Variants in CNTNAP5 observed in about 807,000 individuals in gnomAD.
CNTNAP5 encodes the protein contactin-associated protein-like 5.
Under a neutral mutation model 150.2 loss-of-function variants are expected in CNTNAP5, and 72 were observed. That is an observed-to-expected ratio of 0.48 (90% CI 0.40 to 0.58). The LOEUF (loss-of-function observed/expected upper bound fraction) is 0.58. CNTNAP5 is among the 20% of genes least tolerant of loss of function. CNTNAP5 has a pLI of 0.00. For synonymous variants in CNTNAP5, 672 were observed against 619.8 expected, an observed-to-expected ratio of 1.08 and a Z score of -1.25; for missense variants, 1,636 against 1,626.2, an observed-to-expected ratio of 1.01 and a Z score of -0.10.
intron 14 of CNTNAP5, among the ~76,000 whole-genome samples, chr2:124,754,799 C>T (rs11889950): frequency 0.011 from 1,730 of 152,004 alleles, 42 homozygotes; most frequent in African/African-American, 0.04. Context: ...GCAATCCTCA[C>T]GCGTCGAACT....
At chr2:124,523,709 C>T (rs1270939375) in intron 8 of CNTNAP5, among the ~76,000 whole-genome samples, 1 of 152,130 alleles carries the variant, frequency 6.6e-6, no homozygotes, top group Non-Finnish European at 1.5e-5. Context: ...AAAATCAGAG[C>T]TTAATGAAAG....
chr2:124,481,275 A>G (rs1054940696), intron 7 of CNTNAP5, among the ~76,000 whole-genome samples: 30 of 152,312 alleles, frequency 2.0e-4, no homozygotes, highest in Admixed American at 1.8e-3. Context: ...TTACCTCCTA[A>G]TACCAACATA....
chr2:124,561,764 A>C (rs568438272), intron 10 of CNTNAP5, among the ~76,000 whole-genome samples: 1 of 152,280 alleles, frequency 6.6e-6, no homozygotes, highest in East Asian at 1.9e-4. Flanking sequence ...GATTTGAAAC[A>C]ATCATTGCTG....
At chr2:124,444,542 C>T (rs1692763343) in intron 5 of CNTNAP5, among the ~76,000 whole-genome samples, 1 of 152,100 alleles carries the variant, frequency 6.6e-6, no homozygotes, top group South Asian at 2.1e-4. Context: ...TTGCAGTGAG[C>T]CCAGATCATG....
intron 12 of CNTNAP5, among the ~76,000 whole-genome samples, chr2:124,639,968 A>C (rs1678056124): frequency 6.6e-6 from 1 of 152,070 alleles, no homozygotes; most frequent in South Asian, 2.1e-4. Context: ...TCTTCCCAAC[A>C]GGAATGCAAC....
Position 124,408,574 on chromosome 2 carries a change from C to A in CNTNAP5, c.382-8869C>A, listed in dbSNP as rs542689254. ...ACTGCCTCCTCAAGTGGGTCCCTGA[C>A]CCCTGACCCCCGAGCAGCCTAACTG... On this transcript the variant is annotated intron_variant, in intron 3 of 23. Transcript: ENST00000682447. Among the ~76,000 whole-genome samples the A allele has an allele frequency of 3.9e-4, 59 of 151,978 alleles. No homozygotes were observed. In the South Asian group the frequency reaches 9.4e-3, roughly 24 times the overall value.
At chr2:124,495,047 A>T (rs948915262) in intron 7 of CNTNAP5, among the ~76,000 whole-genome samples, 14 of 152,132 alleles carry the variant, frequency 9.2e-5, no homozygotes, top group Admixed American at 6.6e-5. Flanking sequence ...ATGCCTACAT[A>T]TTTATATGGG....
intron 3 of CNTNAP5, among the ~76,000 whole-genome samples, chr2:124,366,943 A>C (rs1238576085): frequency 6.6e-6 from 1 of 152,192 alleles, no homozygotes; most frequent in Non-Finnish European, 1.5e-5. Context: ...GTAGCTGATA[A>C]GACACCCCTC....
At chr2:124,560,746 TGAAGTCTCAAGGACA>T in intron 10 of CNTNAP5, among the ~76,000 whole-genome samples, 1 of 152,176 alleles carries the variant, frequency 6.6e-6, no homozygotes, top group Non-Finnish European at 1.5e-5. Flanking sequence ...ACGGGTGCAA[TGAAGTCTCAAGGACA>T]GCAGGGACCG....
chr2:124,468,096 T>C (rs1049803044), intron 6 of CNTNAP5, among the ~76,000 whole-genome samples: 1 of 152,142 alleles, frequency 6.6e-6, no homozygotes, highest in Non-Finnish European at 1.5e-5. Flanking sequence ...GCATCACAGC[T>C]TTCATTGCTG....
At chr2:124,485,174 A>G (rs1334068112) in intron 7 of CNTNAP5, among the ~76,000 whole-genome samples, 2 of 152,190 alleles carry the variant, frequency 1.3e-5, no homozygotes, top group Admixed American at 1.3e-4. Flanking sequence ...AAAACAGGTA[A>G]ATAGGACTCC....
intron 10 of CNTNAP5, among the ~76,000 whole-genome samples, chr2:124,537,364 C>T (rs1197834159): frequency 6.6e-6 from 1 of 152,120 alleles, no homozygotes; most frequent in East Asian, 1.9e-4. Context: ...TGTATTAAAG[C>T]AGGAAGAGAA....
chr2:124,508,751 T>C (rs1222282857), intron 8 of CNTNAP5, among the ~76,000 whole-genome samples: 2 of 152,224 alleles, frequency 1.3e-5, no homozygotes, highest in Non-Finnish European at 2.9e-5. Context: ...AATTTCTATG[T>C]TTTTGGAAAA....
At chr2:124,701,918 CT>C (rs1679529663) in intron 13 of CNTNAP5, among the ~76,000 whole-genome samples, 1 of 151,534 alleles carries the variant, frequency 6.6e-6, no homozygotes, top group South Asian at 2.1e-4. Flanking sequence ...GATTTTTTGT[CT>C]TATTTTTTTC....
At chr2:124,029,317 T>A (rs1024924349) in intron 1 of CNTNAP5, among the ~76,000 whole-genome samples, 1 of 152,000 alleles carries the variant, frequency 6.6e-6, no homozygotes, top group Admixed American at 6.5e-5. Flanking sequence ...ATCACGCTGG[T>A]TTTTTCAGCA....
chr2:124,561,049 T>C (rs896937571), intron 10 of CNTNAP5, among the ~76,000 whole-genome samples: 3 of 151,990 alleles, frequency 2.0e-5, no homozygotes, highest in African/African-American at 7.2e-5. Context: ...TCTTGTTTTG[T>C]TGGGGGAGGG....
chr2:124,185,764 A>G (rs189927568), intron 1 of CNTNAP5, among the ~76,000 whole-genome samples: 16 of 152,178 alleles, frequency 1.1e-4, no homozygotes, highest in African/African-American at 3.9e-4. Flanking sequence ...TCTTTTATGA[A>G]CCCTCAGGGT....
intron 1 of CNTNAP5, among the ~76,000 whole-genome samples, chr2:124,041,481 T>C (rs182778455): frequency 3.9e-5 from 6 of 152,338 alleles, no homozygotes; most frequent in Admixed American, 1.3e-4. Flanking sequence ...ATTATTTGCA[T>C]GTGTATAGGC....
intron 15 of CNTNAP5, 89 bp downstream of exon 15, chr2:124,763,888 C>T: frequency 1.3e-6 from 2 of 1,592,742 alleles, no homozygotes; most frequent in Non-Finnish European, 8.6e-7. Context: ...TGCAGTGTGC[C>T]CTAGTCTTGA....
Sources: gnomAD v4.1 joint callset for allele counts (sites outside exome capture counted in the v4.1 genomes callset) on GRCh38, gnomAD v4.1.1 for gene constraint, MANE v1.5 for transcripts, NCBI Gene and HGNC (gene_info 2026-07-23, HGNC 2026-07-21) for gene names.